Variants in NPHP4 observed in about 807,000 individuals in gnomAD.
NPHP4 encodes nephrocystin 4.
In NPHP4, 151 loss-of-function variants were observed where a neutral mutation model predicts 155.8. That is an observed-to-expected ratio of 0.97 (90% CI 0.85 to 1.11). NPHP4 has a LOEUF of 1.11. Ranked by LOEUF, NPHP4 falls within the 50% of genes least tolerant of loss-of-function variation. NPHP4 has a pLI of 0.00. For synonymous variants in NPHP4, 845 were observed against 816.8 expected, an observed-to-expected ratio of 1.03 and a Z score of -0.59; for missense variants, 1,956 against 1,925.7, an observed-to-expected ratio of 1.02 and a Z score of -0.29.
chr1:5,916,274 C>A (rs1645466421), intron 11 of NPHP4, among the ~76,000 whole-genome samples: 2 of 152,060 alleles, frequency 1.3e-5, no homozygotes, highest in Admixed American at 1.3e-4. Context: ...TAACCGAGAG[C>A]CAAAGTACCT....
chr1:5,959,223 A>T (rs1387013951), intron 6 of NPHP4, among the ~76,000 whole-genome samples: 1 of 152,152 alleles, frequency 6.6e-6, no homozygotes, highest in Non-Finnish European at 1.5e-5. Context: ...ATAAAACGTC[A>T]TTAATTTTGC....
intron 16 of NPHP4, among the ~76,000 whole-genome samples, chr1:5,896,450 G>T (rs2101006183): frequency 6.6e-6 from 1 of 152,306 alleles, no homozygotes; most frequent in South Asian, 2.1e-4. Flanking sequence ...TCTGACTTCA[G>T]CAGGACACGC....
At chr1:5,901,115 G>A (rs1365863266) in intron 16 of NPHP4, among the ~76,000 whole-genome samples, 1 of 152,052 alleles carries the variant, frequency 6.6e-6, no homozygotes, top group Non-Finnish European at 1.5e-5. Context: ...GTTGGGGTGG[G>A]GGGAGGTCCT....
Position 5,905,847 on chromosome 1 carries a change from G to C in NPHP4, c.1612-64C>G. 2 of 1,490,944 alleles carry C rather than the reference G, an allele frequency of 1.3e-6. No individual in the cohort carries two copies. The highest frequency in any genetic ancestry group is 1.2e-5 in the South Asian group (1 of 80,086). 92.4% of individuals were successfully genotyped at this position (1,490,944 alleles called of 1,614,324 possible). ...ACCCCAACCCGTAACAACCAACGGTGCTCAGATCTAAGGGGATTCATCGAT... is the reference window on the plus strand; with the variant it reads ...ACCCCAACCCGTAACAACCAACGGTCCTCAGATCTAAGGGGATTCATCGAT... On this transcript the variant is annotated intron_variant, in intron 13 of 29. Transcript: ENST00000378156. This position sits in a 1 kb window ranked among gnomAD's most constrained non-coding sequence, Gnocchi z 4.0.
chr1:5,912,282 T>TAATCCC (rs1206454622), intron 11 of NPHP4, among the ~76,000 whole-genome samples: 1 of 152,156 alleles, frequency 6.6e-6, no homozygotes, highest in African/African-American at 2.4e-5. Flanking sequence ...CTCACGCCTG[T>TAATCCC]AATCCCAGCA....
At chr1:5,946,753 T>C (rs746083116) in intron 9 of NPHP4, among the ~76,000 whole-genome samples, 1 of 152,244 alleles carries the variant, frequency 6.6e-6, no homozygotes, top group Non-Finnish European at 1.5e-5. Flanking sequence ...TGATCATCAA[T>C]GGCCAATGTT....
intron 23 of NPHP4, 194 bp from the exon 24 acceptor site, chr1:5,868,090 C>A (rs986398318): frequency 8.3e-6 from 6 of 725,344 alleles, no homozygotes; most frequent in Admixed American, 6.1e-5. Context: ...AGGAGGGGAC[C>A]GCTAAGCAAG....
Position 5,933,225 on chromosome 1 carries a change from A to C in NPHP4, c.1224T>G (p.Pro408=), listed in dbSNP as rs981519506. The C allele has an allele frequency of 6.2e-7, 1 of 1,613,260 alleles. No homozygotes were observed. The highest frequency in any genetic ancestry group is 1.3e-5 in the African/African-American group (1 of 74,922). ...GGTTGGGCTGGATCCCACCCTGCAG[A>C]GGCAGGGTCACCCTTCCAGAATCAG... ...LEADSGRVTL[P]LQGGIQPNPS... The change falls in exon 10 of 30, where the codon CCT becomes CCG. Residue 408 remains proline (P), a synonymous_variant. Transcript: ENST00000378156.
At chr1:5,968,998 G>C in intron 4 of NPHP4, 89 bp downstream of exon 4, 1 of 902,434 alleles carries the variant, frequency 1.1e-6, no homozygotes, top group Middle Eastern at 3.2e-4. Flanking sequence ...CTGCACTCTA[G>C]CCTGGTTGAC....
At chr1:5,960,725 A>T (rs529600605) in intron 6 of NPHP4, among the ~76,000 whole-genome samples, 71 of 152,296 alleles carry the variant, frequency 4.7e-4, no homozygotes, top group African/African-American at 1.7e-3. Context: ...AGAAGCATGC[A>T]GCCCAGGCCA....
intron 9 of NPHP4, among the ~76,000 whole-genome samples, chr1:5,941,609 G>T (rs1387816996): frequency 3.9e-5 from 6 of 152,090 alleles, no homozygotes; most frequent in African/African-American, 1.2e-4. Flanking sequence ...ACAGAAAAAT[G>T]GGCAAAATAA....
intron 16 of NPHP4, among the ~76,000 whole-genome samples, chr1:5,901,940 G>T (rs971234026): frequency 5.9e-5 from 9 of 152,142 alleles, no homozygotes; most frequent in African/African-American, 1.9e-4. Flanking sequence ...CCCTGGTGGT[G>T]ACCAGCCCCC....
chr1:5,962,234 C>T (rs1265793319), intron 5 of NPHP4, among the ~76,000 whole-genome samples: 1 of 152,154 alleles, frequency 6.6e-6, no homozygotes, highest in Admixed American at 6.5e-5. Flanking sequence ...GGCTGGAGAG[C>T]AGTGGTGTAA....
At chr1:5,901,858 C>A (rs911299605) in intron 16 of NPHP4, among the ~76,000 whole-genome samples, 6 of 152,114 alleles carry the variant, frequency 3.9e-5, no homozygotes, top group Admixed American at 3.9e-4. Flanking sequence ...GACTGTCTAC[C>A]AAAGGCCTCA....
At position 5,944,290 on chromosome 1, in the gene NPHP4, A is replaced by G. The variant is rs1646972352; in HGVS notation, c.1119+2814T>C. Among the ~76,000 whole-genome samples, 1 of 152,208 alleles carries G rather than the reference A, an allele frequency of 6.6e-6. No homozygotes were observed. The highest frequency in any genetic ancestry group is 1.5e-5 in the Non-Finnish European group (1 of 68,036). ...GGAGGACGCTGCAGCCGGAAGGCAC[A>G]ACCACACCCAGCTGAAAAAATCCCC... On this transcript the variant is annotated intron_variant, in intron 9 of 29. Coordinates refer to ENST00000378156, the MANE Select transcript of NPHP4 (RefSeq NM_015102.5). The surrounding 1 kb of genome is among the most constrained non-coding windows in gnomAD (Gnocchi z 4.3).
intron 26 of NPHP4, 71 bp from the exon 27 acceptor site, chr1:5,865,344 G>A: frequency 1.5e-6 from 2 of 1,367,364 alleles, no homozygotes; most frequent in Non-Finnish European, 1.9e-6. Flanking sequence ...GGCCAACAAG[G>A]GCTGCCAGGA....
chr1:5,879,611 A>G (rs2100717093), intron 19 of NPHP4: 1 of 518,970 alleles, frequency 1.9e-6, no homozygotes, highest in Middle Eastern at 3.2e-4. Context: ...TCCAAACAGC[A>G]CAGTCGCCTG....
intron 11 of NPHP4, among the ~76,000 whole-genome samples, chr1:5,920,868 T>G (rs1645709914): frequency 6.6e-6 from 1 of 152,370 alleles, no homozygotes; most frequent in African/African-American, 2.4e-5. Flanking sequence ...AATATAATCT[T>G]ATTTCTCAAT....
At chr1:5,990,479 C>T (rs975984847) in intron 1 of NPHP4, among the ~76,000 whole-genome samples, 4 of 152,030 alleles carry the variant, frequency 2.6e-5, no homozygotes, top group African/African-American at 9.7e-5. Flanking sequence ...AAAATACACC[C>T]ACTTTTAATG....
Sources: allele counts gnomAD v4.1 joint callset (sites outside exome capture counted in the v4.1 genomes callset), GRCh38; gene constraint gnomAD v4.1.1; non-coding constraint Gnocchi (gnomAD v3.1); transcripts MANE v1.5; gene names NCBI Gene and HGNC (gene_info 2026-07-23, HGNC 2026-07-21).